Variants in ZNF365 observed in about 807,000 individuals in gnomAD.
The protein encoded by ZNF365 is protein ZNF365.
Under a neutral mutation model 35.0 loss-of-function variants are expected in ZNF365, and 22 were observed. The observed-to-expected ratio is 0.63, with a 90% CI of 0.45 to 0.90. The LOEUF (loss-of-function observed/expected upper bound fraction) is 0.90. Among genes scored for constraint, ZNF365 ranks in the 40% least tolerant of loss-of-function variants. The pLI is 0.00. For missense variants in ZNF365, 448 were observed against 500.3 expected, an observed-to-expected ratio of 0.90 and a Z score of 1.00; for synonymous variants, 188 against 196.2, an observed-to-expected ratio of 0.96 and a Z score of 0.35.
intron 3 of ZNF365, among the ~76,000 whole-genome samples, chr10:62,429,106 A>C (rs902091637): frequency 1.3e-5 from 2 of 152,132 alleles, no homozygotes; most frequent in African/African-American, 4.8e-5. Flanking sequence ...AATGTGTGCC[A>C]ACGTTAGTTC....
In ZNF365 at chr10:62,427,140, T is replaced by C. The variant is rs146445380; in HGVS notation, c.925-32601T>C. 3.8e-4 allele frequency among the ~76,000 whole-genome samples: 58 copies of C among 152,330 alleles called. No individual in the cohort carries two copies. The East Asian group carries it at 0.01, about 27-fold the overall frequency. ...TGTGGTGATGGTTAATAAATGACTA[T>C]ATTACTGGCTTATGCTTTTTCTATA... On this transcript the variant is annotated intron_variant, in intron 3 of 4. Transcript: ENST00000395255.
intron 3 of ZNF365, among the ~76,000 whole-genome samples, chr10:62,437,197 G>A (rs1007771198): frequency 1.3e-5 from 2 of 152,178 alleles, no homozygotes; most frequent in African/African-American, 4.8e-5. Context: ...AGGATTGGGT[G>A]GAGGCAGGGA....
At chr10:62,459,650 G>T in intron 3 of ZNF365, 2 of 1,362,874 alleles carry the variant, frequency 1.5e-6, no homozygotes, top group South Asian at 1.4e-5. Flanking sequence ...TTAAATGAAT[G>T]GAACATGGCA....
In ZNF365 at chr10:62,376,690, A is replaced by G. The variant is rs772722173; in HGVS notation, c.497A>G (p.Asn166Ser). Residue 166 changes from asparagine (N) to serine (S), a missense_variant, in exon 2 of 5, where the codon AAT becomes AGT. Physicochemically the swap from Asn to Ser is conservative, Grantham distance 46. Coordinates refer to ENST00000395254, the MANE Select transcript of ZNF365 (RefSeq NM_014951.3). ...SFEAHVREKF[N>S]RMVEAVDRTI... Reference sequence around the variant, plus strand: ...GAGGCACATGTCAGAGAAAAATTCAATCGAATGGTTGAGGCTGTGGATAGG... The same window carrying G: ...GAGGCACATGTCAGAGAAAAATTCAGTCGAATGGTTGAGGCTGTGGATAGG... The G allele has an allele frequency of 2.6e-5, 42 of 1,614,040 alleles. No individual in the cohort carries two copies. Among genetic ancestry groups the G allele is most frequent in the East Asian group, 4.5e-5 (2 of 44,894 alleles).
chr10:62,437,571 CATGTT>C (rs1840427396), intron 3 of ZNF365, among the ~76,000 whole-genome samples: 2 of 152,186 alleles, frequency 1.3e-5, no homozygotes, highest in Admixed American at 1.3e-4. Context: ...ATTTACATCT[CATGTT>C]ATGTTTTCCA....
chr10:62,458,099 A>C (rs1395642925), intron 3 of ZNF365, among the ~76,000 whole-genome samples: 1 of 152,154 alleles, frequency 6.6e-6, no homozygotes, highest in African/African-American at 2.4e-5. Flanking sequence ...GAGATGACAA[A>C]AGTCAAACGG....
At chr10:62,448,468 T>C (rs1415547104) in intron 3 of ZNF365, among the ~76,000 whole-genome samples, 1 of 152,204 alleles carries the variant, frequency 6.6e-6, no homozygotes, top group Non-Finnish European at 1.5e-5. Flanking sequence ...ATGTCGAAAG[T>C]ATTGCAGTCA....
At chr10:62,450,234 A>C (rs764571705) in intron 3 of ZNF365, among the ~76,000 whole-genome samples, 19 of 152,194 alleles carry the variant, frequency 1.2e-4, no homozygotes, top group Non-Finnish European at 2.8e-4. Context: ...TGTAACAACG[A>C]TAGCTAATAA....
At chr10:62,446,213 C>T (rs1355243107) in intron 3 of ZNF365, among the ~76,000 whole-genome samples, 1 of 152,150 alleles carries the variant, frequency 6.6e-6, no homozygotes, top group Non-Finnish European at 1.5e-5. Flanking sequence ...TTCAGGTTTC[C>T]AGTCCCTGCT....
intron 4 of ZNF365, among the ~76,000 whole-genome samples, chr10:62,399,111 T>G (rs770179192): frequency 1.3e-5 from 2 of 152,208 alleles, no homozygotes; most frequent in African/African-American, 2.4e-5. Flanking sequence ...ACTACATTGT[T>G]TATGTAAATT....
At chr10:62,443,160 T>G (rs1458841988) in intron 3 of ZNF365, among the ~76,000 whole-genome samples, 1 of 152,212 alleles carries the variant, frequency 6.6e-6, no homozygotes, top group Admixed American at 6.5e-5. Context: ...TGAGTGCCCT[T>G]TATAAGTCAA....
In ZNF365 at chr10:62,400,031, A is replaced by G; in HGVS notation, c.*242A>G. 1 of 1,283,366 alleles carries G rather than the reference A, an allele frequency of 7.8e-7. No individual in the cohort carries two copies. Among genetic ancestry groups the G allele is most frequent in the African/African-American group, 1.5e-5 (1 of 67,502 alleles). The allele number at this position is 1,283,366 out of a possible 1,614,324, so 79.5% of individuals were successfully genotyped here. A position where few individuals can be genotyped will look rare whatever the true frequency, so the allele number is the denominator to read the frequency against. The stretch of plus-strand genomic sequence containing the variant: ...ACAGAAAGAATAAAAAAATTAAATC[A>G]ATCTTAAAGCTCTAACTTCTAAAGT... On this transcript the variant is annotated 3_prime_UTR_variant, in exon 5 of 5. Coordinates refer to ENST00000395254, the MANE Select transcript of ZNF365 (RefSeq NM_014951.3).
At chr10:62,426,398 C>G (rs1840250742) in intron 3 of ZNF365, among the ~76,000 whole-genome samples, 1 of 152,142 alleles carries the variant, frequency 6.6e-6, no homozygotes, top group Non-Finnish European at 1.5e-5. Context: ...AACCTCCCTG[C>G]AGGCTACCCT....
At chr10:62,409,336 G>A (rs896990663) in intron 3 of ZNF365, among the ~76,000 whole-genome samples, 10 of 152,138 alleles carry the variant, frequency 6.6e-5, no homozygotes, top group African/African-American at 2.4e-4. Context: ...GTTCCTGGCT[G>A]GCTAGCACCT....
chr10:62,376,642 CCTCAGA>C lies in ZNF365; in HGVS notation c.451_456del (p.Ser151_Asp152del), dbSNP rs748877018. 16 of 1,614,132 alleles carry C rather than the reference CCTCAGA, an allele frequency of 9.9e-6. No individual in the cohort carries two copies. The South Asian group carries it at 1.6e-4, about 17-fold the overall frequency. On this transcript the variant is annotated inframe_deletion, in exon 2 of 5. Coordinates refer to ENST00000395254, the MANE Select transcript of ZNF365 (RefSeq NM_014951.3). ...ACACGGTCGGGTCCTGGACTGCCCA[CCTCAGA>C]CACCAAAGCTTCTTTCGAGGCACAT...
intron 2 of ZNF365, among the ~76,000 whole-genome samples, chr10:62,384,463 A>G (rs1839493418): frequency 6.6e-6 from 1 of 152,224 alleles, no homozygotes. Flanking sequence ...TAAATAACAT[A>G]TTTTTATGAA....
rs1839844204 is a variant in ZNF365, at chr10:62,402,423, A to G, written c.*2634A>G. The G allele has an allele frequency of 2.0e-6, 2 of 984,994 alleles. No individual in the cohort carries two copies. The highest frequency in any genetic ancestry group is 2.4e-6 in the Non-Finnish European group (2 of 829,412). 61.0% of individuals were successfully genotyped at this position (984,994 alleles called of 1,614,324 possible). On this transcript the variant is annotated 3_prime_UTR_variant, in exon 5 of 5. Coordinates refer to ENST00000395254, the MANE Select transcript of ZNF365 (RefSeq NM_014951.3). ...AGAAGTTTTTAGATTATGAAATATT[A>G]TGATAATAAAGCTATATTTCTGACT...
intron 3 of ZNF365, among the ~76,000 whole-genome samples, chr10:62,429,041 C>T (rs373263266): frequency 2.0e-5 from 3 of 152,278 alleles, no homozygotes; most frequent in East Asian, 1.9e-4. Flanking sequence ...TCTAGCACAC[C>T]TCTGAGTTCT....
At chr10:62,392,158 A>T (rs1455933147) in intron 3 of ZNF365, among the ~76,000 whole-genome samples, 2 of 152,290 alleles carry the variant, frequency 1.3e-5, no homozygotes, top group Non-Finnish European at 2.9e-5. Flanking sequence ...CCTTTATCAG[A>T]TGTATAAATT....
Sources: gnomAD v4.1 joint callset for allele counts (sites outside exome capture counted in the v4.1 genomes callset) on GRCh38, gnomAD v4.1.1 for gene constraint, MANE v1.5 for transcripts, NCBI Gene and HGNC (gene_info 2026-07-23, HGNC 2026-07-21) for gene names.